PPARGC1A: variants seen among roughly 807,000 people sequenced by gnomAD.
PPARGC1A encodes the protein peroxisome proliferator-activated receptor gamma coactivator 1-alpha.
In PPARGC1A, 25 loss-of-function variants were observed where a neutral mutation model predicts 88.7. That is an observed-to-expected ratio of 0.28 (90% confidence interval 0.21 to 0.39). The LOEUF is 0.39. PPARGC1A is among the 10% of genes least tolerant of loss of function. The probability of loss-of-function intolerance (pLI) is 1.00; values close to 1 mark genes in which losing one functional copy is unlikely to be tolerated. For missense variants in PPARGC1A, 880 were observed against 968.7 expected (o/e 0.91, Z 1.22); for synonymous variants, 363 against 355.6 (o/e 1.02, Z -0.24).
chr4:23,860,113 A>C (rs575712459), intron 2 of PPARGC1A, among the ~76,000 whole-genome samples: 1 of 152,124 alleles, frequency 6.6e-6, no homozygotes, highest in Non-Finnish European at 1.5e-5. Flanking sequence ...CTTTACAAAA[A>C]ATTTAAAAAT....
chr4:24,195,783 G>A, the PPARGC1A span, among the ~76,000 whole-genome samples: 747 of 151,650 alleles, frequency 4.9e-3, 31 homozygotes, highest in East Asian at 0.097. Context: ...TTATTTTTGT[G>A]TTCTAGATAC....
chr4:24,098,828 C>T, the PPARGC1A span, among the ~76,000 whole-genome samples: 8 of 151,936 alleles, frequency 5.3e-5, no homozygotes, highest in South Asian at 4.2e-4. Context: ...TGTTTGTGCC[C>T]GAAGCAAAAT....
chr4:24,135,124 A>G, the PPARGC1A span, among the ~76,000 whole-genome samples: 1 of 152,078 alleles, frequency 6.6e-6, no homozygotes. Context: ...ACAGCTTCCT[A>G]GGTCTTTGCA....
the PPARGC1A span, among the ~76,000 whole-genome samples, chr4:24,437,741 C>G: frequency 6.6e-6 from 1 of 151,936 alleles, no homozygotes; most frequent in Non-Finnish European, 1.5e-5. Context: ...GCGATCTCAG[C>G]TCACTGCAAC....
At chr4:24,237,421 C>T in the PPARGC1A span, among the ~76,000 whole-genome samples, 37 of 152,210 alleles carry the variant, frequency 2.4e-4, no homozygotes, top group Non-Finnish European at 4.9e-4. Context: ...ATATTTTCTG[C>T]TGTTATCTCT....
chr4:24,328,260 C>A, the PPARGC1A span, among the ~76,000 whole-genome samples: 4,173 of 138,308 alleles, frequency 0.03, 184 homozygotes, highest in African/African-American at 0.095. Flanking sequence ...AGCCCCCCCC[C>A]CAATCAGCAT....
At chr4:24,319,479 T>C in the PPARGC1A span, among the ~76,000 whole-genome samples, 1 of 152,014 alleles carries the variant, frequency 6.6e-6, no homozygotes, top group Non-Finnish European at 1.5e-5. Context: ...TAAATGAGGG[T>C]TCATGAAATG....
At chr4:24,284,260 G>A in the PPARGC1A span, among the ~76,000 whole-genome samples, 1 of 152,066 alleles carries the variant, frequency 6.6e-6, no homozygotes, top group African/African-American at 2.4e-5. Context: ...AATGAACCGA[G>A]ATCACGCCAC....
At chr4:24,216,142 C>CTTTTT in the PPARGC1A span, among the ~76,000 whole-genome samples, 5 of 83,236 alleles carry the variant, frequency 6.0e-5, no homozygotes, top group Non-Finnish European at 1.2e-4. Flanking sequence ...GCAGCTAACT[C>CTTTTT]TTTTTTTTTT....
chr4:24,203,352 A>T, the PPARGC1A span, among the ~76,000 whole-genome samples: 2 of 152,200 alleles, frequency 1.3e-5, no homozygotes, highest in Non-Finnish European at 2.9e-5. Context: ...CAGTCTGGCC[A>T]ACATGGTAAA....
chr4:24,008,036 G>T, the PPARGC1A span, among the ~76,000 whole-genome samples: 2 of 152,278 alleles, frequency 1.3e-5, no homozygotes, highest in South Asian at 2.1e-4. Flanking sequence ...ATTCAATAAA[G>T]GTTCCTGCTG....
At chr4:24,263,335 T>C in the PPARGC1A span, among the ~76,000 whole-genome samples, 3 of 152,280 alleles carry the variant, frequency 2.0e-5, no homozygotes, top group South Asian at 6.2e-4. Context: ...ACAGTTGTCA[T>C]ATTTCATGCA....
intron 2 of PPARGC1A, among the ~76,000 whole-genome samples, chr4:23,854,498 G>A (rs980091433): frequency 1.3e-5 from 2 of 152,122 alleles, no homozygotes; most frequent in Non-Finnish European, 1.5e-5. Flanking sequence ...ACAAGTTTCC[G>A]ATGGCCTCTC....
chr4:24,201,458 T>A, the PPARGC1A span, among the ~76,000 whole-genome samples: 1 of 152,232 alleles, frequency 6.6e-6, no homozygotes, highest in Admixed American at 6.5e-5. Context: ...TAAAGTCATA[T>A]TGATTATTGC....
chr4:24,362,756 T>C, the PPARGC1A span, among the ~76,000 whole-genome samples: 1 of 152,230 alleles, frequency 6.6e-6, no homozygotes, highest in Non-Finnish European at 1.5e-5. Context: ...TTTCTTCCCA[T>C]TTCACAAGAA....
At chr4:24,148,361 C>T in the PPARGC1A span, among the ~76,000 whole-genome samples, 8 of 152,268 alleles carry the variant, frequency 5.3e-5, no homozygotes, top group East Asian at 1.4e-3. Context: ...CTAATCCTGC[C>T]TGTTCTTCAA....
At chr4:24,226,186 G>A in the PPARGC1A span, among the ~76,000 whole-genome samples, 1 of 152,282 alleles carries the variant, frequency 6.6e-6, no homozygotes, top group Non-Finnish European at 1.5e-5. Flanking sequence ...CTGTAAGTTT[G>A]TCTTAAATGT....
chr4:23,904,295 A>G (rs754639475), upstream of PPARGC1A, among the ~76,000 whole-genome samples: 7 of 152,216 alleles, frequency 4.6e-5, no homozygotes, highest in Non-Finnish European at 8.8e-5. Context: ...GACATCAGCA[A>G]TTGAGACAGG....
rs188794202 is a variant in PPARGC1A, at chr4:23,848,945, C to T, written c.235-17194G>A. On this transcript the variant is annotated intron_variant, in intron 2 of 12. Transcript: ENST00000264867. Reference sequence around the variant, plus strand: ...GATCACGAGGTCAGGAGATCAAGACCATCCTGGCTAACACGGTGAAACCCC... The same window carrying T: ...GATCACGAGGTCAGGAGATCAAGACTATCCTGGCTAACACGGTGAAACCCC... Among the ~76,000 whole-genome samples, 893 of 152,170 alleles carry T rather than the reference C, an allele frequency of 5.9e-3. 7 individuals are homozygous for T. Among genetic ancestry groups the T allele is most frequent in the Middle Eastern group, 0.01 (3 of 292 alleles).
Sources: gnomAD v4.1 joint callset for allele counts (sites outside exome capture counted in the v4.1 genomes callset) on GRCh38, gnomAD v4.1.1 for gene constraint, MANE v1.5 for transcripts, NCBI Gene and HGNC (gene_info 2026-07-23, HGNC 2026-07-21) for gene names.